Variants in MUC4 observed in about 807,000 individuals in gnomAD.
MUC4 encodes the protein mucin 4, cell surface associated.
MUC4 carries 202 observed loss-of-function variants against 257.9 expected under a neutral mutation model. The ratio of observed to expected loss-of-function variants is 0.78; its 90% confidence interval spans 0.70 to 0.88. The LOEUF (loss-of-function observed/expected upper bound fraction) is 0.88, where lower values mean the gene tolerates loss of function less well. Ranked by LOEUF, MUC4 falls within the 40% of genes least tolerant of loss-of-function variation. The pLI, the probability that MUC4 is intolerant of heterozygous loss-of-function variation, is 0.00. For missense variants in MUC4, 5,976 were observed against 6,513.7 expected, an observed-to-expected ratio of 0.92 and a Z score of 2.84; for synonymous variants, 2,351 against 2,757.1, an observed-to-expected ratio of 0.85 and a Z score of 4.62.
chr3:195,758,204 C>T (rs184331697), intron 17 of MUC4, among the ~76,000 whole-genome samples: 242 of 152,282 alleles, frequency 1.6e-3, no homozygotes, highest in African/African-American at 4.2e-3. Flanking sequence ...TGGCAACAGA[C>T]GAAAGCAGCG....
Position 195,781,809 on chromosome 3 carries a change from TGCTG to T in MUC4, c.9767_9770del (p.Ser3256TyrfsTer1002), listed in dbSNP as rs750659599. 1 of 1,069,286 alleles carries T rather than the reference TGCTG, an allele frequency of 9.4e-7. No homozygotes were observed. The highest frequency in any genetic ancestry group is 2.1e-5 in the African/African-American group (1 of 46,852). 66.2% of individuals were successfully genotyped at this position (1,069,286 alleles called of 1,614,324 possible). On this transcript the variant is annotated frameshift_variant, in exon 2 of 25. Coordinates refer to ENST00000463781, the MANE Select transcript of MUC4 (RefSeq NM_018406.7). LOFTEE classifies it high-confidence loss of function. The stretch of plus-strand genomic sequence containing the variant: ...GAAGAGAGGTGGTGTCACCTGTGGA[TGCTG>T]AGGAAGTGTCGGTGACAGGAAGAGA...
chr3:195,753,271 A>AGCAGAGGGACGGCCCAGC, intron 19 of MUC4, 41 bp from the exon 20 acceptor site: 1 of 1,597,164 alleles, frequency 6.3e-7, no homozygotes, highest in Non-Finnish European at 8.6e-7. Context: ...CGCGCAGGGC[A>AGCAGAGGGACGGCCCAGC]GCAGAGGGAC....
chr3:195,752,950 C>T, intron 20 of MUC4, 101 bp downstream of exon 20: 1 of 1,084,066 alleles, frequency 9.2e-7, no homozygotes, highest in Non-Finnish European at 1.3e-6. Context: ...CCTGTGACCC[C>T]AGAGCTTCCT....
intron 1 of MUC4, among the ~76,000 whole-genome samples, chr3:195,802,312 C>A (rs73085338): frequency 6.6e-6 from 1 of 150,996 alleles, no homozygotes; most frequent in African/African-American, 2.4e-5. Flanking sequence ...CTCTTGTTTG[C>A]TTTGCCACAT....
intron 19 of MUC4, chr3:195,753,969 G>A (rs532880851): frequency 4.3e-6 from 2 of 469,308 alleles, no homozygotes; most frequent in Admixed American, 4.1e-5. Context: ...CCTCCCCTAT[G>A]CCTGTACAAC....
intron 1 of MUC4, among the ~76,000 whole-genome samples, chr3:195,808,971 C>T (rs1222417051): frequency 6.6e-6 from 1 of 152,190 alleles, no homozygotes; most frequent in East Asian, 1.9e-4. Context: ...CCCCTGCCTG[C>T]CCTGCACTTG....
intron 14 of MUC4, 93 bp downstream of exon 14, chr3:195,761,990 AAGGG>A (rs1719056473): frequency 7.4e-7 from 1 of 1,355,392 alleles, no homozygotes; most frequent in South Asian, 1.4e-5. Flanking sequence ...GAGGCGGAGA[AAGGG>A]AGGCCGAGCA....
intron 3 of MUC4, among the ~76,000 whole-genome samples, chr3:195,774,579 C>T (rs1251645483): frequency 2.0e-5 from 3 of 152,204 alleles, no homozygotes. Context: ...TTCTCAATCT[C>T]TTAGTCTCAA....
At position 195,779,891 on chromosome 3, in the gene MUC4, C is replaced by A. The variant is rs1426676395; in HGVS notation, c.11689G>T (p.Ala3897Ser). ...AGAGGGGTGGCGTGACGTGTGGATG[C>A]TGAGGAAGTGTCGGTGACAGGAAGA... The part of the protein sequence containing the change: ...TPLPVTDTSS[A>S]STRHATPLPV... Residue 3897 changes from alanine (A) to serine (S), a missense_variant, in exon 2 of 25, where the codon GCA (alanine) becomes TCA (serine). Transcript: ENST00000463781. 3.0e-6 allele frequency: 4 copies of A among 1,350,932 alleles called. 1 individual carries two copies. In the African/African-American group the frequency reaches 6.5e-5, roughly 22 times the overall value. The allele number at this position is 1,350,932 out of a possible 1,614,324, so 83.7% of individuals were successfully genotyped here. A position where few individuals can be genotyped will look rare whatever the true frequency, so the allele number is the denominator to read the frequency against.
chr3:195,762,024 C>T lies in MUC4; in HGVS notation c.14512+63G>A, dbSNP rs1229571590. On this transcript the variant is annotated intron_variant, in intron 14 of 24. Transcript: ENST00000463781. ...CGAGCAGGGCTGCCCGGGCCGCCGG[C>T]GTGGGGGTCCGAGCTCCGGCTGGCT... 4 of 1,508,364 alleles carry T rather than the reference C, an allele frequency of 2.7e-6. No individual in the cohort carries two copies. The Admixed American group carries it at 6.1e-5, about 23-fold the overall frequency. 93.4% of individuals were successfully genotyped at this position (1,508,364 alleles called of 1,614,324 possible). A position where few individuals can be genotyped will look rare whatever the true frequency, so the allele number is the denominator to read the frequency against.
chr3:195,768,760 G>A, intron 7 of MUC4, among the ~76,000 whole-genome samples: 1 of 152,216 alleles, frequency 6.6e-6, no homozygotes. Flanking sequence ...AATGTCAGTG[G>A]AAATCAGGGA....
In MUC4 at chr3:195,781,337, A is replaced by T. The variant is rs1181721354; in HGVS notation, c.10243T>A (p.Ser3415Thr). ...DTMPLPVTSP[S>T]SASTGHATPL... The stretch of plus-strand genomic sequence containing the variant: ...GTGGCGTGACCTGTGGATGCTGAGG[A>T]AGGGCTAGTGACAGGAAGAGGCATG... Residue 3415 changes from serine (S) to threonine (T), a missense_variant, in exon 2 of 25, where the codon TCC becomes ACC. By Grantham distance (58) the Ser-to-Thr change is moderately conservative. Around this residue, in one of 44 missense-constraint regions of MUC4, gnomAD observed 297 missense variants for 240.9 expected, o/e 1.23. Coordinates refer to ENST00000463781, the MANE Select transcript of MUC4 (RefSeq NM_018406.7). 6.7e-7 allele frequency: 1 copy of T among 1,503,342 alleles called. No individual in the cohort carries two copies. Among genetic ancestry groups the T allele is most frequent in the South Asian group, 1.2e-5 (1 of 81,244 alleles). The allele number at this position is 1,503,342 out of a possible 1,614,324, so 93.1% of individuals were successfully genotyped here. A position where few individuals can be genotyped will look rare whatever the true frequency, so the allele number is the denominator to read the frequency against.
intron 1 of MUC4, among the ~76,000 whole-genome samples, chr3:195,800,243 A>G (rs1179966909): frequency 6.6e-6 from 1 of 151,682 alleles, no homozygotes; most frequent in African/African-American, 2.4e-5. Context: ...GCGCCACTGC[A>G]CTCCAGCCTG....
Position 195,760,979 on chromosome 3 carries a change from G to C in MUC4, c.14753C>G (p.Ser4918Ter). 1 of 1,614,202 alleles carries C rather than the reference G, an allele frequency of 6.2e-7. No homozygotes were observed. Among genetic ancestry groups the C allele is most frequent in the Non-Finnish European group, 8.5e-7 (1 of 1,180,024 alleles). ...CAGGGCCAGGGTGTCATAGATGCAT[G>C]AGCTATCTCCGTCACAGTTGGAGAT... ...HLISNCDGDS[S>*]CIYDTLALRN... The change falls in exon 16 of 25, where the codon TCA (serine) becomes TGA (stop). Residue 4918 changes from serine (S) to a stop codon, truncating the protein, a stop_gained. Transcript: ENST00000463781. LOFTEE classifies it high-confidence loss of function.
chr3:195,807,208 G>A (rs541373036), intron 1 of MUC4, among the ~76,000 whole-genome samples: 5 of 152,320 alleles, frequency 3.3e-5, no homozygotes, highest in South Asian at 2.1e-4. Flanking sequence ...AGTAGCTCAC[G>A]CCTATAATCC....
chr3:195,782,463 G>A lies in MUC4; in HGVS notation c.9117C>T (p.Thr3039=), dbSNP rs1166002898. The A allele has an allele frequency of 6.7e-7, 1 of 1,483,766 alleles. No individual in the cohort carries two copies. Among genetic ancestry groups the A allele is most frequent in the Non-Finnish European group, 9.0e-7 (1 of 1,107,200 alleles). 91.9% of individuals were successfully genotyped at this position (1,483,766 alleles called of 1,614,324 possible). A position where few individuals can be genotyped will look rare whatever the true frequency, so the allele number is the denominator to read the frequency against. Residue 3039 remains threonine (T), a synonymous_variant, in exon 2 of 25, where the codon ACC becomes ACT. Transcript: ENST00000463781. The stretch of plus-strand genomic sequence containing the variant: ...AGGAAGTGTCGGTGACAGGAAGCGG[G>A]GTGGCGTGACCGGTGGATGCTGAGG... ...SPSSASTGHA[T]PLPVTDTSSA...
chr3:195,749,855 G>A (rs1467597607), intron 23 of MUC4: 5 of 152,286 alleles, frequency 3.3e-5, no homozygotes, highest in African/African-American at 1.2e-4. Flanking sequence ...GGATTACAGG[G>A]TTTTTTTCCT....
In MUC4 at chr3:195,783,895, G is replaced by A. The variant is rs79949955; in HGVS notation, c.7685C>T (p.Pro2562Leu). ...SASTGHATSLPVTDTSAASTG... is the reference protein window; with the variant it reads ...SASTGHATSLLVTDTSAASTG... ...GGATGCTGCGGAAGTGTCGGTGACAGGAAGAGAGGTGGCGTGACCTGTGGA... is the reference window on the plus strand; with the variant it reads ...GGATGCTGCGGAAGTGTCGGTGACAAGAAGAGAGGTGGCGTGACCTGTGGA... The change falls in exon 2 of 25, where the codon CCT (proline) becomes CTT (leucine). Residue 2562 changes from proline to leucine, a missense_variant. This residue lies in a region of MUC4 where 135 missense variants were observed against 114.7 expected (regional missense o/e 1.18). Coordinates refer to ENST00000463781, the MANE Select transcript of MUC4 (RefSeq NM_018406.7). The A allele has an allele frequency of 3.0e-5, 41 of 1,356,498 alleles. No homozygotes were observed. In the South Asian group the frequency reaches 3.6e-4, roughly 12 times the overall value. 84.0% of individuals were successfully genotyped at this position (1,356,498 alleles called of 1,614,324 possible).
rs201362770 is a variant in MUC4, at chr3:195,780,028, G to C, written c.11552C>G (p.Thr3851Arg). 4.0e-6 allele frequency: 3 copies of C among 743,128 alleles called. No homozygotes were observed. The highest frequency in any genetic ancestry group is 3.7e-5 in the Admixed American group (1 of 27,372). The allele number at this position is 743,128 out of a possible 1,614,324, so 46.0% of individuals were successfully genotyped here. Residue 3851 changes from threonine to arginine, a missense_variant, in exon 2 of 25, where the codon ACA (threonine) becomes AGA (arginine). Physicochemically the swap from Thr to Arg is moderately conservative, Grantham distance 71. Coordinates refer to ENST00000463781, the MANE Select transcript of MUC4 (RefSeq NM_018406.7). ...LPVTIPSSVSTGDTMPLPVTS... is the reference protein window; with the variant it reads ...LPVTIPSSVSRGDTMPLPVTS... ...GACAGGAAGAGGCATGGTGTCACCT[G>C]TGGATACTGAGGAAGGGATGGTGAC...
Sources: allele counts gnomAD v4.1 joint callset (sites outside exome capture counted in the v4.1 genomes callset), GRCh38; gene constraint gnomAD v4.1.1; regional missense constraint gnomAD v4.1.1; transcripts MANE v1.5; gene names NCBI Gene and HGNC (gene_info 2026-07-23, HGNC 2026-07-21).